GMDS: variants seen among roughly 807,000 people sequenced by gnomAD.
GMDS encodes GDP-mannose 4,6-dehydratase.
A neutral mutation model predicts 49.9 loss-of-function variants in GMDS; 20 were observed. The ratio of observed to expected loss-of-function variants is 0.40; its 90% CI spans 0.28 to 0.58. The LOEUF (loss-of-function observed/expected upper bound fraction) is 0.58. GMDS is among the 20% of genes least tolerant of loss of function. GMDS has a pLI of 0.42. For missense variants in GMDS, 362 were observed against 481.4 expected, an observed-to-expected ratio of 0.75 and a Z score of 2.32; for synonymous variants, 177 against 178.6, an observed-to-expected ratio of 0.99 and a Z score of 0.07.
At chr6:1,674,545 ACTCTCTCT>A (rs1224533876) in intron 9 of GMDS, among the ~76,000 whole-genome samples, 1 of 123,380 alleles carries the variant, frequency 8.1e-6, no homozygotes, top group African/African-American at 3.2e-5. Context: ...CAACTCATCA[ACTCTCTCT>A]CTCTCTCTTT....
chr6:2,176,447 A>C (rs1245549407), intron 1 of GMDS, among the ~76,000 whole-genome samples: 2 of 152,154 alleles, frequency 1.3e-5, no homozygotes, highest in South Asian at 4.1e-4. Flanking sequence ...GAAGTCGAGC[A>C]AAGATTAAAG....
chr6:2,028,586 T>G (rs1184867147), intron 4 of GMDS, among the ~76,000 whole-genome samples: 1 of 152,154 alleles, frequency 6.6e-6, no homozygotes, highest in Non-Finnish European at 1.5e-5. Context: ...TGATCTTCAG[T>G]CTTGTAACGA....
At chr6:2,224,417 T>C (rs1780730276) in intron 1 of GMDS, among the ~76,000 whole-genome samples, 2 of 152,354 alleles carry the variant, frequency 1.3e-5, no homozygotes, top group Non-Finnish European at 2.9e-5. Flanking sequence ...CTCAGACAAC[T>C]TGGCATTTTC....
intron 4 of GMDS, among the ~76,000 whole-genome samples, chr6:2,036,411 G>A (rs967018822): frequency 2.7e-5 from 4 of 149,898 alleles, no homozygotes; most frequent in Non-Finnish European, 3.0e-5. Flanking sequence ...TTGCTAACTG[G>A]AAAAAAAAAA....
chr6:1,831,975 G>A (rs1405395370), intron 7 of GMDS, among the ~76,000 whole-genome samples: 2 of 151,996 alleles, frequency 1.3e-5, no homozygotes, highest in East Asian at 3.9e-4. Context: ...ACCATAAGGT[G>A]GTTGATAACG....
intron 1 of GMDS, among the ~76,000 whole-genome samples, chr6:2,169,322 C>A (rs1178351753): frequency 6.6e-6 from 1 of 152,130 alleles, no homozygotes; most frequent in Non-Finnish European, 1.5e-5. Context: ...AACAACACTA[C>A]ATATAACAGT....
intron 1 of GMDS, among the ~76,000 whole-genome samples, chr6:2,148,214 C>T (rs1776671460): frequency 6.6e-6 from 1 of 152,076 alleles, no homozygotes; most frequent in African/African-American, 2.4e-5. Context: ...AAGGGCTGAT[C>T]CAAAATAAAT....
At chr6:2,026,100 CA>C (rs754451961) in intron 4 of GMDS, among the ~76,000 whole-genome samples, 11 of 152,134 alleles carry the variant, frequency 7.2e-5, no homozygotes, top group Non-Finnish European at 1.6e-4. Context: ...ACTCTAAGAA[CA>C]ATTACTTTAG....
At chr6:2,012,488 C>T (rs1004969711) in intron 4 of GMDS, among the ~76,000 whole-genome samples, 3 of 152,016 alleles carry the variant, frequency 2.0e-5, no homozygotes, top group African/African-American at 7.3e-5. Flanking sequence ...GTGGTTTCAG[C>T]TACAAAATAT....
At chr6:1,714,819 C>T (rs1268701727) in intron 9 of GMDS, among the ~76,000 whole-genome samples, 1 of 152,256 alleles carries the variant, frequency 6.6e-6, no homozygotes, top group African/African-American at 2.4e-5. Flanking sequence ...CTTCAAGATA[C>T]TATGAGATTT....
At chr6:2,018,426 T>A (rs1020958841) in intron 4 of GMDS, among the ~76,000 whole-genome samples, 2 of 152,192 alleles carry the variant, frequency 1.3e-5, no homozygotes, top group African/African-American at 4.8e-5. Flanking sequence ...ACCATCAACA[T>A]AGTCAACTTC....
chr6:2,188,516 A>C (rs1778876437), intron 1 of GMDS, among the ~76,000 whole-genome samples: 1 of 152,202 alleles, frequency 6.6e-6, no homozygotes, highest in South Asian at 2.1e-4. Flanking sequence ...AAAAGTAGTT[A>C]AGAGGTTTTA....
At chr6:1,793,501 A>G (rs1055666146) in intron 7 of GMDS, among the ~76,000 whole-genome samples, 4 of 152,240 alleles carry the variant, frequency 2.6e-5, no homozygotes, top group Non-Finnish European at 5.9e-5. Context: ...TAAGATGTCC[A>G]TGGACTTGAT....
intron 9 of GMDS, among the ~76,000 whole-genome samples, chr6:1,652,443 T>TAATATATAATATA (rs1491491632): frequency 7.4e-5 from 1 of 13,568 alleles, no homozygotes; most frequent in African/African-American, 2.8e-4. Context: ...ATTATATATA[T>TAATATATAATATA]TTATATATTA....
At chr6:2,148,231 C>T (rs946492926) in intron 1 of GMDS, among the ~76,000 whole-genome samples, 3 of 152,096 alleles carry the variant, frequency 2.0e-5, no homozygotes, top group African/African-American at 7.2e-5. Context: ...AAATTAAATG[C>T]TGGTATGACT....
rs914042215 is a variant in GMDS at position 2,055,648 on chromosome 6, C to G, written c.345+60123G>C. Among the ~76,000 whole-genome samples the G allele has an allele frequency of 3.9e-5, 6 of 152,208 alleles. No individual in the cohort carries two copies. The East Asian group carries it at 1.2e-3, about 29-fold the overall frequency. ...GGAGAAAACACTAAATTGGACTCCC[C>G]TTGGTTTATATTCCTTGCCACATTA... On this transcript the variant is annotated intron_variant, in intron 4 of 10. Transcript: ENST00000380815.
At chr6:1,686,641 C>G (rs1016944240) in intron 9 of GMDS, among the ~76,000 whole-genome samples, 6 of 152,240 alleles carry the variant, frequency 3.9e-5, no homozygotes, top group African/African-American at 1.2e-4. Context: ...ATGGCATAAG[C>G]CATAATGGAA....
intron 9 of GMDS, among the ~76,000 whole-genome samples, chr6:1,696,714 T>C (rs1765355407): frequency 1.3e-5 from 2 of 152,218 alleles, no homozygotes; most frequent in Admixed American, 6.5e-5. Flanking sequence ...AGCCGGTATC[T>C]GGAAGAAGCA....
intron 4 of GMDS, among the ~76,000 whole-genome samples, chr6:2,020,755 A>G (rs928671593): frequency 6.6e-6 from 1 of 152,186 alleles, no homozygotes; most frequent in African/African-American, 2.4e-5. Flanking sequence ...TAAACACTGA[A>G]AGAGGAAATT....
Sources: allele counts gnomAD v4.1 joint callset (sites outside exome capture counted in the v4.1 genomes callset), GRCh38; gene constraint gnomAD v4.1.1; transcripts MANE v1.5; gene names NCBI Gene and HGNC (gene_info 2026-07-23, HGNC 2026-07-21).